Variants in CUBN observed in about 807,000 individuals in gnomAD.
CUBN encodes 460 kDa receptor.
In CUBN, 282 loss-of-function variants were observed where a neutral mutation model predicts 405.3. The ratio of observed to expected loss-of-function variants is 0.70; its 90% CI spans 0.63 to 0.77. The LOEUF (loss-of-function observed/expected upper bound fraction) is 0.77, where lower values mean the gene tolerates loss of function less well. Among genes scored for constraint, CUBN ranks in the 30% least tolerant of loss-of-function variants. CUBN has a pLI of 0.00. For missense variants in CUBN, 4,514 were observed against 4,475.2 expected, an observed-to-expected ratio of 1.01 and a Z score of -0.25; for synonymous variants, 1,684 against 1,617.0, an observed-to-expected ratio of 1.04 and a Z score of -0.99.
chr10:16,925,122 C>A (rs1212707052), intron 43 of CUBN, 119 bp downstream of exon 43: 1 of 745,474 alleles, frequency 1.3e-6, no homozygotes, highest in African/African-American at 1.8e-5. Context: ...ATAATAAGTA[C>A]TTGAGAGTAG....
rs1050814215 is a variant in CUBN at position 16,946,459 on chromosome 10, T to C, written c.5342+776A>G. Among the ~76,000 whole-genome samples the C allele has an allele frequency of 1.9e-4, 29 of 151,976 alleles. 1 individual carries two copies. Among genetic ancestry groups the C allele is most frequent in the Admixed American group, 1.8e-3 (28 of 15,222 alleles). On this transcript the variant is annotated intron_variant, in intron 36 of 66. Transcript: ENST00000377833. ...GTTTAAAGTTTAAGTAAGTTTAAGT[T>C]TGGAAGTTAAAAAAACTTCCAAAAC... is the stretch of plus-strand genomic sequence containing the variant.
chr10:16,895,414 T>C (rs568756491), intron 54 of CUBN, among the ~76,000 whole-genome samples: 27 of 152,160 alleles, frequency 1.8e-4, no homozygotes, highest in African/African-American at 6.5e-4. Flanking sequence ...TATTAACTGA[T>C]GGTTTTGTAG....
At chr10:17,094,308 C>A (rs1836327386) in intron 14 of CUBN, among the ~76,000 whole-genome samples, 1 of 151,996 alleles carries the variant, frequency 6.6e-6, no homozygotes, top group Non-Finnish European at 1.5e-5. Context: ...ACCTAAAATT[C>A]TATGTGTAAT....
At chr10:16,836,413 G>T in intron 62 of CUBN, 31 bp from the exon 63 acceptor site, 1 of 1,606,652 alleles carries the variant, frequency 6.2e-7, no homozygotes, top group South Asian at 1.1e-5. Flanking sequence ...AATCATGTTA[G>T]ATTTAGTCTT....
chr10:16,960,229 C>T (rs375342880), intron 31 of CUBN, among the ~76,000 whole-genome samples: 5 of 152,192 alleles, frequency 3.3e-5, no homozygotes, highest in East Asian at 1.9e-4. Context: ...CAGTGGCTCA[C>T]GCCTGTAATC....
intron 27 of CUBN, chr10:17,023,762 T>C (rs17139621): frequency 0.27 from 96,379 of 350,766 alleles, 14,762 homozygotes; most frequent in East Asian, 0.39. Context: ...CTAAGAAAGA[T>C]TGCGATTCTC....
intron 31 of CUBN, among the ~76,000 whole-genome samples, chr10:16,961,074 A>T (rs1393323397): frequency 6.6e-6 from 1 of 152,102 alleles, no homozygotes; most frequent in East Asian, 1.9e-4. Flanking sequence ...TTTAATTAGT[A>T]TTATAATTGT....
intron 28 of CUBN, among the ~76,000 whole-genome samples, chr10:16,991,283 G>A (rs1205105149): frequency 6.6e-6 from 1 of 152,188 alleles, no homozygotes; most frequent in African/African-American, 2.4e-5. Context: ...TACTCATAAG[G>A]ACCACATGAG....
Position 16,928,186 on chromosome 10 carries a change from C to T in CUBN, c.6242G>A (p.Arg2081Lys), listed in dbSNP as rs747093264. 6.2e-7 allele frequency: 1 copy of T among 1,613,950 alleles called. No homozygotes were observed. The highest frequency in any genetic ancestry group is 1.1e-5 in the South Asian group (1 of 91,072). The change falls in exon 41 of 67, where the codon AGG (arginine) becomes AAG (lysine). Residue 2081 changes from arginine to lysine, a missense_variant. By Grantham distance (26) the Arg-to-Lys change is conservative. This residue lies in a region of CUBN where 1,613 missense variants were observed against 1,542.8 expected (regional missense o/e 1.05). Transcript: ENST00000377833. Reference protein sequence around the residue: ...IRFTSDSSVTRAGFNASFHKS... With the variant: ...IRFTSDSSVTKAGFNASFHKS... ...GTGAAAGGATGCATTGAAGCCTGCC[C>T]TGGTTACACTGGAGTCCGAGGTGAA...
chr10:16,867,100 G>A (rs555998879), intron 59 of CUBN, among the ~76,000 whole-genome samples: 1 of 152,252 alleles, frequency 6.6e-6, no homozygotes, highest in South Asian at 2.1e-4. Context: ...AGTTAAGATC[G>A]AAACGGAAAT....
chr10:17,068,346 G>C, intron 20 of CUBN, 66 bp from the exon 21 acceptor site: 1 of 1,494,896 alleles, frequency 6.7e-7, no homozygotes, highest in Non-Finnish European at 9.3e-7. Flanking sequence ...AAATTAAAAG[G>C]CTCTGATAAT....
Position 16,925,599 on chromosome 10 carries a change from C to G in CUBN, c.6447G>C (p.Gln2149His), listed in dbSNP as rs1842163566. Residue 2149 changes from glutamine to histidine, a missense_variant, in exon 42 of 67, where the codon CAG (glutamine) becomes CAC (histidine). Gln to His is a conservative substitution (Grantham distance 24). Around this residue, in one of 5 missense-constraint regions of CUBN, gnomAD observed 1,613 missense variants for 1,542.8 expected, o/e 1.05. Transcript: ENST00000377833. Reference protein sequence around the residue: ...QIPNGDSSCNQGDYLVLRNGP... With the variant: ...QIPNGDSSCNHGDYLVLRNGP... ...CAAGACCTACCACCAAGTAATCCCCCTGGTTGCAAGAAGAATCTCCATTTG... is the reference window on the plus strand; with the variant it reads ...CAAGACCTACCACCAAGTAATCCCCGTGGTTGCAAGAAGAATCTCCATTTG... 3 of 1,613,884 alleles carry G rather than the reference C, an allele frequency of 1.9e-6. No individual in the cohort carries two copies. The highest frequency in any genetic ancestry group is 2.5e-6 in the Non-Finnish European group (3 of 1,179,968).
At chr10:17,022,955 G>A (rs548379255) in intron 27 of CUBN, among the ~76,000 whole-genome samples, 1 of 152,106 alleles carries the variant, frequency 6.6e-6, no homozygotes, top group Non-Finnish European at 1.5e-5. Context: ...CCCTAAGCTC[G>A]ATGTGTCTTA....
At chr10:16,859,099 T>A (rs1359905229) in intron 59 of CUBN, among the ~76,000 whole-genome samples, 1 of 152,182 alleles carries the variant, frequency 6.6e-6, no homozygotes, top group Non-Finnish European at 1.5e-5. Flanking sequence ...AAACATGATC[T>A]ATAAAAGAAA....
intron 31 of CUBN, among the ~76,000 whole-genome samples, chr10:16,974,940 A>G (rs955504247): frequency 1.3e-5 from 2 of 152,228 alleles, no homozygotes; most frequent in Non-Finnish European, 2.9e-5. Flanking sequence ...TACAGTATGT[A>G]ATATATAAAA....
chr10:16,979,911 C>T (rs1833214606), intron 31 of CUBN, among the ~76,000 whole-genome samples: 1 of 152,102 alleles, frequency 6.6e-6, no homozygotes, highest in Admixed American at 6.5e-5. Context: ...AGGCAATCTA[C>T]AGAATAGGAG....
intron 33 of CUBN, among the ~76,000 whole-genome samples, chr10:16,951,127 T>G (rs1220097229): frequency 1.3e-5 from 2 of 152,242 alleles, no homozygotes; most frequent in Non-Finnish European, 2.9e-5. Context: ...TTCATCTAAA[T>G]GCTTTACAAC....
intron 31 of CUBN, among the ~76,000 whole-genome samples, chr10:16,977,748 C>A (rs1833141712): frequency 6.6e-6 from 1 of 152,192 alleles, no homozygotes; most frequent in Non-Finnish European, 1.5e-5. Flanking sequence ...TGTAGGCACC[C>A]ACCCCTAGAT....
At chr10:16,955,094 T>C (rs1299735595) in intron 31 of CUBN, among the ~76,000 whole-genome samples, 6 of 152,018 alleles carry the variant, frequency 3.9e-5, no homozygotes, top group Non-Finnish European at 7.4e-5. Flanking sequence ...TTTTTGCCCG[T>C]GCATGGTGGC....
Sources: gnomAD v4.1 joint callset for allele counts (sites outside exome capture counted in the v4.1 genomes callset) on GRCh38, gnomAD v4.1.1 for gene constraint, gnomAD v4.1.1 regional missense constraint, MANE v1.5 for transcripts, NCBI Gene and HGNC (gene_info 2026-07-23, HGNC 2026-07-21) for gene names.